RSBN1: variants seen among roughly 807,000 people sequenced by gnomAD.
RSBN1 encodes round spermatid basic protein 1, also known as lysine-specific demethylase 9.
Under a neutral mutation model 74.8 loss-of-function variants are expected in RSBN1, and 23 were observed. The ratio of observed to expected loss-of-function variants is 0.31; its 90% CI spans 0.22 to 0.44. The LOEUF is 0.44. Ranked by LOEUF, RSBN1 falls within the 20% of genes least tolerant of loss-of-function variation. The pLI is 1.00. For missense variants in RSBN1, 808 were observed against 1,020.9 expected, an observed-to-expected ratio of 0.79 and a Z score of 2.84; for synonymous variants, 407 against 379.6, an observed-to-expected ratio of 1.07 and a Z score of -0.84.
At chr1:113,771,131 A>G (rs1188937849) in intron 4 of RSBN1, among the ~76,000 whole-genome samples, 1 of 152,186 alleles carries the variant, frequency 6.6e-6, no homozygotes, top group African/African-American at 2.4e-5. Context: ...CTTGCAGACA[A>G]GAAAAAAATA....
At chr1:113,798,059 A>C in intron 1 of RSBN1, 23 bp from the exon 2 acceptor site, 2 of 1,575,678 alleles carry the variant, frequency 1.3e-6, no homozygotes, top group Non-Finnish European at 1.7e-6. Flanking sequence ...ATTAAAAAGA[A>C]GTTAGTTGCT....
chr1:113,776,833 T>C (rs1315627889), intron 4 of RSBN1, among the ~76,000 whole-genome samples: 2 of 106,980 alleles, frequency 1.9e-5, no homozygotes, highest in African/African-American at 7.5e-5. Context: ...AAAAAAAAAA[T>C]AGTGCAAAAG....
chr1:113,798,121 G>T, intron 1 of RSBN1, 85 bp from the exon 2 acceptor site: 2 of 1,176,722 alleles, frequency 1.7e-6, no homozygotes, highest in Non-Finnish European at 2.4e-6. Flanking sequence ...TCATTAAATA[G>T]CCTATCCTCA....
At chr1:113,766,956 G>A (rs555457668) in intron 6 of RSBN1, 143 bp downstream of exon 6, 30 of 546,640 alleles carry the variant, frequency 5.5e-5, no homozygotes, top group African/African-American at 5.5e-4. Context: ...ATGATTTTCA[G>A]CACCACCCCC....
At chr1:113,789,823 T>A (rs1450713947) in intron 2 of RSBN1, among the ~76,000 whole-genome samples, 2 of 152,220 alleles carry the variant, frequency 1.3e-5, no homozygotes, top group Non-Finnish European at 2.9e-5. Context: ...TCAAAAACAG[T>A]GATACAGCTG....
At chr1:113,783,883 T>C (rs1423994034) in intron 2 of RSBN1, among the ~76,000 whole-genome samples, 7 of 152,196 alleles carry the variant, frequency 4.6e-5, no homozygotes, top group African/African-American at 1.4e-4. Context: ...CAAACTTTTG[T>C]TCTAGCCACT....
intron 2 of RSBN1, among the ~76,000 whole-genome samples, chr1:113,783,859 T>C (rs1660187743): frequency 6.6e-6 from 1 of 152,336 alleles, no homozygotes; most frequent in African/African-American, 2.4e-5. Context: ...ACCTCGGGAC[T>C]GCTAAACAAG....
Position 113,780,908 on chromosome 1 carries a change from C to G in RSBN1, c.1378-3100G>C, listed in dbSNP as rs551136668. Among the ~76,000 whole-genome samples, 4 of 152,290 alleles carry G rather than the reference C, an allele frequency of 2.6e-5. No homozygotes were observed. The South Asian group carries it at 8.3e-4, about 32-fold the overall frequency. ...AACCACAACCTTCCTGTTTTCATTC[C>G]TTTACTTACATGAAATTAGACCTCT... On this transcript the variant is annotated intron_variant, in intron 2 of 6. Coordinates refer to ENST00000261441, the MANE Select transcript of RSBN1 (RefSeq NM_018364.5).
rs150219170 is a variant in RSBN1, at chr1:113,768,559, T to C, written c.1659-170A>G. ...ATCATTAGCATTTAACACACTATAT[T>C]ATAATGCTTAATGTAATTACCTTCC... is the stretch of plus-strand genomic sequence containing the variant. On this transcript the variant is annotated intron_variant, in intron 4 of 6. Transcript: ENST00000261441. Among the ~76,000 whole-genome samples, 408 of 152,276 alleles carry C rather than the reference T, an allele frequency of 2.7e-3. 1 individual carries two copies. The highest frequency in any genetic ancestry group is 9.0e-3 in the African/African-American group (372 of 41,558).
At chr1:113,774,334 C>T (rs961956487) in intron 4 of RSBN1, among the ~76,000 whole-genome samples, 1 of 151,770 alleles carries the variant, frequency 6.6e-6, no homozygotes, top group South Asian at 2.1e-4. Context: ...GAAAAAATTA[C>T]ACTAATAAAG....
rs1351476810 is a variant in RSBN1, at chr1:113,763,449, A to G, written c.*2531T>C. On this transcript the variant is annotated 3_prime_UTR_variant, in exon 7 of 7. Coordinates refer to ENST00000261441, the MANE Select transcript of RSBN1 (RefSeq NM_018364.5). ...GCTCCATGCCTCACTCCACCAAACC[A>G]AATAATTTAATGATTTAGAAAAATT... 3 of 152,682 alleles carry G rather than the reference A, an allele frequency of 2.0e-5. No individual in the cohort carries two copies. The highest frequency in any genetic ancestry group is 3.8e-4 in the East Asian group (2 of 5,332). 9.5% of individuals were successfully genotyped at this position (152,682 alleles called of 1,614,324 possible).
At chr1:113,803,894 G>C (rs935083984) in intron 1 of RSBN1, among the ~76,000 whole-genome samples, 2 of 148,846 alleles carry the variant, frequency 1.3e-5, no homozygotes, top group African/African-American at 5.0e-5. Flanking sequence ...CTAGAGTCCA[G>C]GAATTCAAGA....
rs1298882070 is a variant in RSBN1 at position 113,797,808 on chromosome 1, T to C, written c.932A>G (p.Tyr311Cys). ...TSGLNKESFR[Y>C]LKDEQLCRLN... The stretch of plus-strand genomic sequence containing the variant: ...TCGGCACAGCTGTTCATCTTTCAGA[T>C]ACCTGAAGGACTCCTTATTAAGTCC... Residue 311 changes from tyrosine (Y) to cysteine (C), a missense_variant, in exon 2 of 7, where the codon TAT (tyrosine) becomes TGT (cysteine). Tyr to Cys is a radical substitution (Grantham distance 194). This residue lies in a region of RSBN1 where 85 missense variants were observed against 126.2 expected (regional missense o/e 0.67). Coordinates refer to ENST00000261441, the MANE Select transcript of RSBN1 (RefSeq NM_018364.5). The C allele has an allele frequency of 1.9e-6, 3 of 1,614,148 alleles. No individual in the cohort carries two copies. In the South Asian group the frequency reaches 3.3e-5, roughly 18 times the overall value.
At chr1:113,803,481 C>A (rs777056990) in intron 1 of RSBN1, among the ~76,000 whole-genome samples, 5 of 152,158 alleles carry the variant, frequency 3.3e-5, no homozygotes, top group Non-Finnish European at 7.3e-5. Context: ...GATAGCATAT[C>A]TTTTTGCAAG....
chr1:113,769,836 G>A (rs1228548463), intron 4 of RSBN1, among the ~76,000 whole-genome samples: 1 of 152,156 alleles, frequency 6.6e-6, no homozygotes, highest in African/African-American at 2.4e-5. Context: ...GAACAGAAAT[G>A]AAGTGAGGCT....
At chr1:113,785,106 G>T in intron 2 of RSBN1, among the ~76,000 whole-genome samples, 1 of 150,978 alleles carries the variant, frequency 6.6e-6, no homozygotes. Flanking sequence ...TATTCTGTAA[G>T]GTATTTTCTA....
chr1:113,781,284 G>A (rs1369709005), intron 2 of RSBN1, among the ~76,000 whole-genome samples: 2 of 152,008 alleles, frequency 1.3e-5, no homozygotes, highest in Non-Finnish European at 2.9e-5. Context: ...TGTCTCTATT[G>A]CCTCACCTCA....
At chr1:113,788,163 T>A (rs1414581968) in intron 2 of RSBN1, among the ~76,000 whole-genome samples, 1 of 151,932 alleles carries the variant, frequency 6.6e-6, no homozygotes, top group Admixed American at 6.6e-5. Context: ...GCTAGTTAAA[T>A]CTACCCCCAG....
At chr1:113,785,850 A>C (rs1327535759) in intron 2 of RSBN1, among the ~76,000 whole-genome samples, 1 of 152,218 alleles carries the variant, frequency 6.6e-6, no homozygotes, top group Non-Finnish European at 1.5e-5. Context: ...GAGAAAAATA[A>C]AGATGAGACT....
Sources: gnomAD v4.1 joint callset for allele counts (sites outside exome capture counted in the v4.1 genomes callset) on GRCh38, gnomAD v4.1.1 for gene constraint, gnomAD v4.1.1 regional missense constraint, MANE v1.5 for transcripts, NCBI Gene and HGNC (gene_info 2026-07-23, HGNC 2026-07-21) for gene names.